The following SMR3A variants were observed in gnomAD, a reference collection of about 807,000 sequenced individuals.
SMR3A encodes submaxillary gland androgen regulated protein 3A.
For missense variants in SMR3A, 188 were observed against 163.0 expected (o/e 1.15, Z -0.84); for synonymous variants, 48 against 57.4 (o/e 0.84, Z 0.74).
chr4:70,366,308 AG>A (rs1307870137), intron 2 of SMR3A, among the ~76,000 whole-genome samples: 2 of 17,888 alleles, frequency 1.1e-4, no homozygotes, highest in Admixed American at 7.2e-4. Context: ...GTTGGACTGA[AG>A]CCCCTATTTT....
At chr4:70,363,688 G>T in intron 2 of SMR3A, among the ~76,000 whole-genome samples, 1 of 152,040 alleles carries the variant, frequency 6.6e-6, no homozygotes. Flanking sequence ...CTGCGATTGG[G>T]TTAAGAGAAC....
At chr4:70,365,779 T>C (rs2109752177) in intron 2 of SMR3A, among the ~76,000 whole-genome samples, 1 of 152,142 alleles carries the variant, frequency 6.6e-6, no homozygotes, top group African/African-American at 2.4e-5. Context: ...TTGCACAAAA[T>C]AGTTGCTCAC....
intron 2 of SMR3A, among the ~76,000 whole-genome samples, chr4:70,365,820 C>T (rs1732248329): frequency 6.6e-6 from 1 of 151,998 alleles, no homozygotes. Flanking sequence ...ATGTTCAAAG[C>T]CCAGAACAAC....
chr4:70,364,395 A>T (rs1431579043), intron 2 of SMR3A, among the ~76,000 whole-genome samples: 1 of 151,968 alleles, frequency 6.6e-6, no homozygotes, highest in Non-Finnish European at 1.5e-5. Context: ...TAGATTTAGA[A>T]TTCAGGGAGT....
At chr4:70,366,091 A>G (rs185540011) in intron 2 of SMR3A, among the ~76,000 whole-genome samples, 60 of 152,176 alleles carry the variant, frequency 3.9e-4, no homozygotes, top group African/African-American at 1.3e-3. Flanking sequence ...CTATTGCTCA[A>G]TAACAAATTA....
intron 1 of SMR3A, 146 bp from the exon 2 acceptor site, chr4:70,361,956 C>A: frequency 1.5e-6 from 2 of 1,326,828 alleles, no homozygotes; most frequent in Non-Finnish European, 2.0e-6. Context: ...CACAGTAATA[C>A]TGAATCCAAA....
chr4:70,361,978 CA>C, intron 1 of SMR3A, 123 bp from the exon 2 acceptor site: 1 of 1,443,752 alleles, frequency 6.9e-7, no homozygotes, highest in Non-Finnish European at 9.2e-7. Flanking sequence ...TAATGTTAGG[CA>C]AATTTCCTAA....
chr4:70,367,047 G>T lies in SMR3A; in HGVS notation c.*53G>T, dbSNP rs1294255528. On this transcript the variant is annotated 3_prime_UTR_variant, in exon 3 of 3. Coordinates refer to ENST00000226460, the MANE Select transcript of SMR3A (RefSeq NM_012390.4). The stretch of plus-strand genomic sequence containing the variant: ...ACCCACAAAAGACAACACTACCCTC[G>T]TAACTACTGCTTCTACTACCCAAAA... The T allele has an allele frequency of 1.4e-6, 2 of 1,470,268 alleles. No homozygotes were observed. The highest frequency in any genetic ancestry group is 2.8e-5 in the African/African-American group (2 of 71,490). 91.1% of individuals were successfully genotyped at this position (1,470,268 alleles called of 1,614,324 possible). A position where few individuals can be genotyped will look rare whatever the true frequency, so the allele number is the denominator to read the frequency against.
Position 70,362,152 on chromosome 4 carries a change from C to T in SMR3A, c.37C>T (p.Leu13Phe). ...SLTWILGLWA[L>F]AACFTPGESQ... ...GACTTGGATCTTGGGCCTTTGGGCT[C>T]TTGCAGCGTGTTTCACAGTAAGTAT... The change falls in exon 2 of 3, where the codon CTT becomes TTT. Residue 13 changes from leucine (L) to phenylalanine (F), a missense_variant. Leu to Phe is a conservative substitution (Grantham distance 22, BLOSUM62 0). Coordinates refer to ENST00000226460, the MANE Select transcript of SMR3A (RefSeq NM_012390.4). 1 of 1,611,898 alleles carries T rather than the reference C, an allele frequency of 6.2e-7. No homozygotes were observed. The highest frequency in any genetic ancestry group is 8.5e-7 in the Non-Finnish European group (1 of 1,178,416).
intron 1 of SMR3A, 101 bp from the exon 2 acceptor site, chr4:70,362,001 T>C (rs1577868989): frequency 6.4e-7 from 1 of 1,550,682 alleles, no homozygotes; most frequent in Non-Finnish European, 8.7e-7. Flanking sequence ...AAGGCTACAG[T>C]AGTATATCTG....
intron 2 of SMR3A, among the ~76,000 whole-genome samples, chr4:70,365,671 TACTC>T (rs1732244981): frequency 6.6e-6 from 1 of 152,046 alleles, no homozygotes. Context: ...GTATTGTAAT[TACTC>T]AGCCTGTGGA....
intron 2 of SMR3A, among the ~76,000 whole-genome samples, chr4:70,364,554 C>T (rs755817147): frequency 1.3e-5 from 2 of 151,710 alleles, no homozygotes; most frequent in Non-Finnish European, 2.9e-5. Flanking sequence ...CCTCAGAAAA[C>T]AATTATAAAG....
chr4:70,363,721 A>G (rs924043603), intron 2 of SMR3A, among the ~76,000 whole-genome samples: 1 of 152,060 alleles, frequency 6.6e-6, no homozygotes, highest in Non-Finnish European at 1.5e-5. Context: ...GATATTTACT[A>G]TGAAGATTTT....
rs1178011231 is a variant in SMR3A at position 70,366,708 on chromosome 4, C to T, written c.119C>T (p.Pro40Leu). ...YPPGPLAPPP[P>L]PCFPFGTGFV... ...CCTGGACCACTGGCTCCTCCTCCTC[C>T]ACCATGTTTTCCTTTTGGAACAGGA... Residue 40 changes from proline (P) to leucine (L), a missense_variant, in exon 3 of 3, where the codon CCA becomes CTA. Pro to Leu is a moderately conservative substitution (Grantham distance 98). Coordinates refer to ENST00000226460, the MANE Select transcript of SMR3A (RefSeq NM_012390.4). The T allele has an allele frequency of 1.9e-6, 3 of 1,613,302 alleles. No homozygotes were observed. The highest frequency in any genetic ancestry group is 2.7e-5 in the African/African-American group (2 of 74,860).
In SMR3A at chr4:70,362,899, C is replaced by T. The variant is rs1450806289; in HGVS notation, c.54+730C>T. ...CTGATTTTTTAGAAGACTATGACTT[C>T]CACAAAGCAGGCAACATAAAATTAT... On this transcript the variant is annotated intron_variant, in intron 2 of 2. Transcript: ENST00000226460. 2.0e-5 allele frequency among the ~76,000 whole-genome samples: 3 copies of T among 151,776 alleles called. No individual in the cohort carries two copies. In the South Asian group the frequency reaches 6.2e-4, roughly 32 times the overall value.
intron 2 of SMR3A, among the ~76,000 whole-genome samples, chr4:70,365,091 C>T (rs1443013127): frequency 6.6e-6 from 1 of 151,984 alleles, no homozygotes. Flanking sequence ...TGCATATTTT[C>T]CTTCTATTTG....
Position 70,367,069 on chromosome 4 carries a change from A to C in SMR3A, c.*75A>C. The stretch of plus-strand genomic sequence containing the variant: ...CTCGTAACTACTGCTTCTACTACCC[A>C]AAAATAAGAATTTCAACACTACTTC... On this transcript the variant is annotated 3_prime_UTR_variant, in exon 3 of 3. Transcript: ENST00000226460. The C allele has an allele frequency of 7.8e-7, 1 of 1,277,900 alleles. No homozygotes were observed. Among genetic ancestry groups the C allele is most frequent in the South Asian group, 1.3e-5 (1 of 78,514 alleles). The allele number at this position is 1,277,900 out of a possible 1,614,324, so 79.2% of individuals were successfully genotyped here.
At chr4:70,364,493 T>C (rs545033446) in intron 2 of SMR3A, among the ~76,000 whole-genome samples, 1 of 84,058 alleles carries the variant, frequency 1.2e-5, no homozygotes, top group East Asian at 6.3e-4. Context: ...GCTAATTAAA[T>C]GGCAGATATT....
At position 70,365,149 on chromosome 4, in the gene SMR3A, T is replaced by A. The variant is rs532946518; in HGVS notation, c.55-1495T>A. On this transcript the variant is annotated intron_variant, in intron 2 of 2. Transcript: ENST00000226460. The stretch of plus-strand genomic sequence containing the variant: ...ATTCTTTAAGCCTCTTTTCAATAAC[T>A]CCTTATCACAGAGACAATCCTTTAT... 2.3e-4 allele frequency among the ~76,000 whole-genome samples: 35 copies of A among 152,172 alleles called. 1 individual carries two copies. Among genetic ancestry groups the A allele is most frequent in the African/African-American group, 7.7e-4 (32 of 41,560 alleles).
Sources: gnomAD v4.1 joint callset for allele counts (sites outside exome capture counted in the v4.1 genomes callset) on GRCh38, gnomAD v4.1.1 for gene constraint, MANE v1.5 for transcripts, NCBI Gene and HGNC (gene_info 2026-07-23, HGNC 2026-07-21) for gene names.